Variants in ELSPBP1 observed in about 807,000 individuals in gnomAD.
The protein encoded by ELSPBP1 is epididymal sperm-binding protein 1.
A neutral mutation model predicts 33.3 loss-of-function variants in ELSPBP1; 38 were observed. That is an observed-to-expected ratio of 1.14 (90% CI 0.88 to 1.50). ELSPBP1 has a LOEUF of 1.50. ELSPBP1 is among the 40% of genes most tolerant of loss of function. The pLI is 0.00. For missense variants in ELSPBP1, 267 were observed against 263.5 expected (o/e 1.01, Z -0.09); for synonymous variants, 85 against 94.1 (o/e 0.90, Z 0.56).
Position 48,020,925 on chromosome 19 carries a change from T to A in ELSPBP1, c.514+1048T>A, listed in dbSNP as rs1370368786. 3.3e-5 allele frequency among the ~76,000 whole-genome samples: 5 copies of A among 152,092 alleles called. No individual in the cohort carries two copies. The East Asian group carries it at 9.6e-4, about 29-fold the overall frequency. On this transcript the variant is annotated intron_variant, in intron 5 of 6. Transcript: ENST00000339841. ...CCGAATAGCTGTGGGTGGGGGGGTG[T>A]GTTGTTCCAACAACTTGGGACTTTC...
intron 2 of ELSPBP1, among the ~76,000 whole-genome samples, chr19:48,010,746 G>A (rs763936726): frequency 5.3e-5 from 8 of 152,156 alleles, no homozygotes; most frequent in Admixed American, 2.0e-4. Context: ...ATAAGGTCAA[G>A]GGAATGTTAA....
chr19:48,001,218 T>C (rs1966964148), intron 1 of ELSPBP1, among the ~76,000 whole-genome samples: 1 of 151,490 alleles, frequency 6.6e-6, no homozygotes, highest in African/African-American at 2.4e-5. Context: ...GTTGACAGGC[T>C]GGAGTGTGGT....
intron 4 of ELSPBP1, among the ~76,000 whole-genome samples, chr19:48,017,133 T>C (rs1967151161): frequency 6.6e-6 from 1 of 152,204 alleles, no homozygotes; most frequent in South Asian, 2.1e-4. Flanking sequence ...TCCTACACTA[T>C]ATTAGAATTA....
intron 1 of ELSPBP1, among the ~76,000 whole-genome samples, chr19:48,003,625 C>T (rs1282691600): frequency 1.3e-5 from 2 of 151,546 alleles, no homozygotes; most frequent in East Asian, 1.9e-4. Context: ...CAACCTCCGC[C>T]TCCTGGGTTC....
chr19:47,997,568 G>A (rs961733453), intron 1 of ELSPBP1, among the ~76,000 whole-genome samples: 11 of 151,980 alleles, frequency 7.2e-5, no homozygotes, highest in Admixed American at 7.2e-4. Context: ...TGAGGTACGC[G>A]TGATTTTTTT....
rs908914899 is a variant in ELSPBP1 at position 48,019,704 on chromosome 19, C to T, written c.356-15C>T. 3 of 1,611,950 alleles carry T rather than the reference C, an allele frequency of 1.9e-6. No individual in the cohort carries two copies. The African/African-American group carries it at 4.0e-5, about 22-fold the overall frequency. On this transcript the variant is annotated splice_polypyrimidine_tract_variant and intron_variant, in intron 4 of 6. Transcript: ENST00000339841. ...TCCTCTTCTTGACCCGTAACCTTTCCATAATCCTTTTCAGAGTATGGGGGA... is the reference window on the plus strand; with the variant it reads ...TCCTCTTCTTGACCCGTAACCTTTCTATAATCCTTTTCAGAGTATGGGGGA...
At chr19:48,007,307 T>C (rs1462110371) in intron 1 of ELSPBP1, among the ~76,000 whole-genome samples, 1 of 152,146 alleles carries the variant, frequency 6.6e-6, no homozygotes, top group Non-Finnish European at 1.5e-5. Flanking sequence ...CCGCACTGAC[T>C]CTGAGATACA....
At chr19:48,007,799 T>G (rs922702837) in intron 1 of ELSPBP1, among the ~76,000 whole-genome samples, 1 of 152,154 alleles carries the variant, frequency 6.6e-6, no homozygotes, top group Non-Finnish European at 1.5e-5. Context: ...CCCTGCCCTT[T>G]CCTCCCTGGG....
At chr19:48,009,136 C>CAAA (rs59636614) in intron 2 of ELSPBP1, among the ~76,000 whole-genome samples, 13,368 of 136,132 alleles carry the variant, frequency 0.098, 810 homozygotes, top group South Asian at 0.19. Flanking sequence ...AACTCCCTCT[C>CAAA]AAAAAAAAAA....
rs573058426 is a variant in ELSPBP1 at position 48,014,117 on chromosome 19, T to A, written c.71-54T>A. 8.4e-5 allele frequency: 133 copies of A among 1,590,656 alleles called. No individual in the cohort carries two copies. In the African/African-American group the frequency reaches 1.1e-3, roughly 13 times the overall value. On this transcript the variant is annotated intron_variant, in intron 2 of 6. Coordinates refer to ENST00000339841, the MANE Select transcript of ELSPBP1 (RefSeq NM_022142.5). ...CAAGAGCCAAACCAAGACTCATCCT[T>A]TGCTAATTCATCGTGATTCTTCCCC... is the stretch of plus-strand genomic sequence containing the variant.
chr19:48,008,616 G>C (rs111590260), intron 1 of ELSPBP1, 35 bp from the exon 2 acceptor site: 9 of 1,474,024 alleles, frequency 6.1e-6, no homozygotes, highest in Non-Finnish European at 8.5e-6. Context: ...GGAAGGGGAC[G>C]TGTGGGATGA....
chr19:48,006,441 C>T (rs1380512785), intron 1 of ELSPBP1, among the ~76,000 whole-genome samples: 1 of 151,676 alleles, frequency 6.6e-6, no homozygotes, highest in Admixed American at 6.6e-5. Context: ...TGGTGAAACC[C>T]TGTCTCTACT....
Position 48,006,003 on chromosome 19 carries a change from C to T in ELSPBP1, c.-17-2648C>T, listed in dbSNP as rs1183671665. On this transcript the variant is annotated intron_variant, in intron 1 of 6. Coordinates refer to ENST00000339841, the MANE Select transcript of ELSPBP1 (RefSeq NM_022142.5). Reference sequence around the variant, plus strand: ...TGAGACAGAGCCTTGCTGTGTCGCCCAGGCTGGAGTGCAGTGGTGCGATCA... The same window carrying T: ...TGAGACAGAGCCTTGCTGTGTCGCCTAGGCTGGAGTGCAGTGGTGCGATCA... Among the ~76,000 whole-genome samples, 3 of 152,204 alleles carry T rather than the reference C, an allele frequency of 2.0e-5. No individual in the cohort carries two copies. In the East Asian group the frequency reaches 5.8e-4, roughly 29 times the overall value.
Position 47,999,387 on chromosome 19 carries a change from C to CTTTT in ELSPBP1, c.-18+4592_-18+4595dup, listed in dbSNP as rs397937280. 6.5e-4 allele frequency among the ~76,000 whole-genome samples: 84 copies of CTTTT among 129,944 alleles called. 6 individuals are homozygous for CTTTT. The highest frequency in any genetic ancestry group is 1.1e-3 in the African/African-American group (39 of 34,264). The allele number at this position is 129,944 out of a possible 152,430, so 85.2% of individuals were successfully genotyped here. ...CCACCCCATACTGAAAGCCTCATTT[C>CTTTT]TTTTTTTTTTTTTTTTTTTGAGAAA... is the stretch of plus-strand genomic sequence containing the variant. On this transcript the variant is annotated intron_variant, in intron 1 of 6. Coordinates refer to ENST00000339841, the MANE Select transcript of ELSPBP1 (RefSeq NM_022142.5).
At chr19:47,998,387 A>T (rs10405087) in intron 1 of ELSPBP1, among the ~76,000 whole-genome samples, 4 of 151,382 alleles carry the variant, frequency 2.6e-5, no homozygotes, top group Non-Finnish European at 5.9e-5. Flanking sequence ...CTCTAGCCTG[A>T]GTGACAGAGT....
rs141443218 is a variant in ELSPBP1, at chr19:48,015,643, G to C, written c.209-250G>C. Reference sequence around the variant, plus strand: ...ATTGCACTCTAATCTGGGCAACAGAGTGAGACTCTGTCTCGAAAAAAAGAA... The same window carrying C: ...ATTGCACTCTAATCTGGGCAACAGACTGAGACTCTGTCTCGAAAAAAAGAA... On this transcript the variant is annotated intron_variant, in intron 3 of 6. Transcript: ENST00000339841. Among the ~76,000 whole-genome samples, 3 of 152,288 alleles carry C rather than the reference G, an allele frequency of 2.0e-5. No homozygotes were observed. The East Asian group carries it at 5.8e-4, about 29-fold the overall frequency.
intron 1 of ELSPBP1, among the ~76,000 whole-genome samples, chr19:48,003,584 T>A (rs1316175063): frequency 6.7e-6 from 1 of 149,380 alleles, no homozygotes. Flanking sequence ...TCACCCAGGC[T>A]GGAGTGCAGT....
rs1312204810 is a variant in ELSPBP1, at chr19:48,022,132, G to A, written c.515-38G>A. ...ACGCCTCTACGACAGTGTGAAGCCT[G>A]AGGAGTAACCTTTGTTTTATCCCCT... On this transcript the variant is annotated intron_variant, in intron 5 of 6. Transcript: ENST00000339841. 2.5e-6 allele frequency: 4 copies of A among 1,585,778 alleles called. No individual in the cohort carries two copies. In the South Asian group the frequency reaches 3.6e-5, roughly 14 times the overall value.
chr19:48,022,110 C>G, intron 5 of ELSPBP1, 60 bp from the exon 6 acceptor site: 6 of 1,527,220 alleles, frequency 3.9e-6, no homozygotes, highest in Non-Finnish European at 4.4e-6. Flanking sequence ...GAAGCCCACG[C>G]CTCTACGACA....
Sources: allele counts gnomAD v4.1 joint callset (sites outside exome capture counted in the v4.1 genomes callset), GRCh38; gene constraint gnomAD v4.1.1; transcripts MANE v1.5; gene names NCBI Gene and HGNC (gene_info 2026-07-23, HGNC 2026-07-21).